UIMC1: variants seen among roughly 807,000 people sequenced by gnomAD.
UIMC1 encodes the protein ubiquitin interaction motif containing 1.
Under a neutral mutation model 84.9 loss-of-function variants are expected in UIMC1, and 42 were observed. The observed-to-expected ratio is 0.49, with a 90% CI of 0.39 to 0.64. The LOEUF is 0.64. Ranked by LOEUF, UIMC1 falls within the 30% of genes least tolerant of loss-of-function variation. The pLI is 0.00. For missense variants in UIMC1, 825 were observed against 847.6 expected, an observed-to-expected ratio of 0.97 and a Z score of 0.33; for synonymous variants, 281 against 293.0, an observed-to-expected ratio of 0.96 and a Z score of 0.42.
At position 176,911,380 on chromosome 5, in the gene UIMC1, C is replaced by T. The variant is rs1311856146; in HGVS notation, c.1607G>A (p.Arg536Gln). 1.0e-5 allele frequency: 16 copies of T among 1,582,768 alleles called. No homozygotes were observed. The highest frequency in any genetic ancestry group is 3.4e-5 in the Admixed American group (2 of 58,300). Reference sequence around the variant, plus strand: ...CTTGGTCTTGGCCTCTTTTTGTCTCCGAGTCAATACTTTTAATATAAAAAA... The same window carrying T: ...CTTGGTCTTGGCCTCTTTTTGTCTCTGAGTCAATACTTTTAATATAAAAAA... ...GLMEEDTVLTRRQKEAKTKSD... is the reference protein window; with the variant it reads ...GLMEEDTVLTQRQKEAKTKSD... Residue 536 changes from arginine (R) to glutamine (Q), a missense_variant, in exon 11 of 15, where the codon CGG becomes CAG. Physicochemically the swap from Arg to Gln is conservative, Grantham distance 43 (BLOSUM62 1). Transcript: ENST00000511320.
intron 6 of UIMC1, among the ~76,000 whole-genome samples, chr5:176,967,389 G>A (rs7734937): frequency 0.13 from 20,051 of 151,876 alleles, 1,680 homozygotes; most frequent in East Asian, 0.19. Context: ...TAAATCATTT[G>A]TGTAAAAGAA....
chr5:176,938,189 CAAA>C (rs1170386962), intron 10 of UIMC1, among the ~76,000 whole-genome samples: 16 of 56,320 alleles, frequency 2.8e-4, no homozygotes, highest in Admixed American at 4.3e-4. Flanking sequence ...GACCCTGTCT[CAAA>C]AAAAAAAAAA....
chr5:176,953,370 T>C (rs566542516), intron 8 of UIMC1, among the ~76,000 whole-genome samples: 247 of 152,228 alleles, frequency 1.6e-3, no homozygotes, highest in African/African-American at 5.7e-3. Context: ...AAATGGCCAA[T>C]GTCAGGCAAA....
chr5:176,969,154 A>G lies in UIMC1; in HGVS notation c.601T>C (p.Trp201Arg). Residue 201 changes from tryptophan to arginine, a missense_variant, in exon 6 of 15, where the codon TGG (tryptophan) becomes CGG (arginine). Physicochemically the swap from Trp to Arg is moderately radical, Grantham distance 101 (BLOSUM62 -3). Coordinates refer to ENST00000511320, the MANE Select transcript of UIMC1 (RefSeq NM_001199298.2). ...AACACTGGCTGGCTTGACTGGTCCC[A>G]GCTTCCTGAGCTGCCAGAGACCGGC... ...EEPVSGSSGS[W>R]DQSSQPVFEN... 6.2e-7 allele frequency: 1 copy of G among 1,614,210 alleles called. No individual in the cohort carries two copies. Among genetic ancestry groups the G allele is most frequent in the East Asian group, 2.2e-5 (1 of 44,880 alleles).
chr5:176,995,742 T>C (rs944444912), intron 1 of UIMC1, among the ~76,000 whole-genome samples: 19 of 148,672 alleles, frequency 1.3e-4, no homozygotes, highest in Non-Finnish European at 2.8e-4. Flanking sequence ...ACTTGGGAGG[T>C]TGAGGCAGGA....
intron 10 of UIMC1, among the ~76,000 whole-genome samples, chr5:176,922,277 T>C (rs1226935314): frequency 6.6e-6 from 1 of 152,226 alleles, no homozygotes; most frequent in African/African-American, 2.4e-5. Flanking sequence ...TAGTTGCTGC[T>C]AAATAAATAC....
intron 10 of UIMC1, among the ~76,000 whole-genome samples, chr5:176,928,825 C>A (rs1762714248): frequency 6.6e-6 from 1 of 152,006 alleles, no homozygotes; most frequent in Admixed American, 6.6e-5. Flanking sequence ...GTGGGGGGCA[C>A]CTGTAGTCCC....
intron 6 of UIMC1, among the ~76,000 whole-genome samples, chr5:176,964,790 G>A (rs533938611): frequency 6.6e-6 from 1 of 152,038 alleles, no homozygotes; most frequent in African/African-American, 2.4e-5. Flanking sequence ...CTTTCACTGA[G>A]GACTGTCCCT....
In UIMC1 at chr5:176,908,638, TG is replaced by T. The variant is rs766145537; in HGVS notation, c.1732del (p.His578MetfsTer35). 87 of 1,614,070 alleles carry T rather than the reference TG, an allele frequency of 5.4e-5. No individual in the cohort carries two copies. The highest frequency in any genetic ancestry group is 6.9e-5 in the Non-Finnish European group (81 of 1,180,022). ...SLVPFREYQCHVDSCLQLAKA... is the reference protein window; with the variant it reads ...SLVPFREYQCXVDSCLQLAKA... The stretch of plus-strand genomic sequence containing the variant: ...TGCAAGCTGGAGACAGGAGTCCACA[TG>T]ACACTGATACTCTCTAAATGGGACC... On this transcript the variant is annotated frameshift_variant, in exon 12 of 15. Transcript: ENST00000511320. LOFTEE classifies it high-confidence loss of function.
chr5:176,908,775 T>G, intron 11 of UIMC1, 81 bp from the exon 12 acceptor site: 2 of 1,475,352 alleles, frequency 1.4e-6, no homozygotes. Flanking sequence ...TCTCAAATTG[T>G]GTTTTTACGT....
Position 176,995,537 on chromosome 5 carries a change from CAAAAAAA to C in UIMC1, c.-9+11106_-9+11112del, listed in dbSNP as rs57521139. On this transcript the variant is annotated intron_variant, in intron 1 of 14. Transcript: ENST00000511320. Reference sequence around the variant, plus strand: ...GGGTGACAGAGAAAGACTCTGTCTCCAAAAAAAAAAAAAAAAAAAAAAAAGGCCAGGC... The same window carrying C: ...GGGTGACAGAGAAAGACTCTGTCTCCAAAAAAAAAAAAAAAAAGGCCAGGC... Among the ~76,000 whole-genome samples the C allele has an allele frequency of 5.7e-4, 21 of 36,552 alleles. No individual in the cohort carries two copies. The East Asian group carries it at 0.01, about 18-fold the overall frequency. The allele number at this position is 36,552 out of a possible 152,430, so 24.0% of individuals were successfully genotyped here.
intron 10 of UIMC1, among the ~76,000 whole-genome samples, chr5:176,912,467 GTTTT>G (rs1341305912): frequency 1.3e-5 from 1 of 76,970 alleles, no homozygotes; most frequent in Admixed American, 1.9e-4. Context: ...AGTCTTGACT[GTTTT>G]TTGTTTTTTT....
chr5:176,906,731 G>C (rs1219220474), intron 13 of UIMC1, among the ~76,000 whole-genome samples: 5 of 152,188 alleles, frequency 3.3e-5, no homozygotes, highest in Admixed American at 1.3e-4. Context: ...GCGACACTAA[G>C]ATAAAGGTAA....
At chr5:176,946,536 G>T (rs1032841300) in intron 9 of UIMC1, among the ~76,000 whole-genome samples, 1 of 151,670 alleles carries the variant, frequency 6.6e-6, no homozygotes, top group African/African-American at 2.4e-5. Context: ...AGAAAGAAAA[G>T]AAAACAAAAG....
At position 176,960,663 on chromosome 5, in the gene UIMC1, G is replaced by A. The variant is rs867798352; in HGVS notation, c.1201-2509C>T. Among the ~76,000 whole-genome samples, 14 of 6,356 alleles carry A rather than the reference G, an allele frequency of 2.2e-3. 2 individuals are homozygous for A. Among genetic ancestry groups the A allele is most frequent in the East Asian group, 0.015 (3 of 202 alleles). The allele number at this position is 6,356 out of a possible 152,430, so 4.2% of individuals were successfully genotyped here. ...CGTCTCCGTCTCCGTCTCCGTCTCC[G>A]TCTCCCCACGGTCTCCCTCTCATGC... On this transcript the variant is annotated intron_variant, in intron 6 of 14. Coordinates refer to ENST00000511320, the MANE Select transcript of UIMC1 (RefSeq NM_001199298.2).
intron 1 of UIMC1, among the ~76,000 whole-genome samples, chr5:177,001,715 G>A (rs915939169): frequency 1.3e-5 from 2 of 151,044 alleles, no homozygotes; most frequent in African/African-American, 2.4e-5. Flanking sequence ...GAGGGGGGGC[G>A]GATCACAAGG....
At chr5:176,975,294 C>A in intron 3 of UIMC1, 102 bp downstream of exon 3, 1 of 1,123,782 alleles carries the variant, frequency 8.9e-7, no homozygotes, top group Non-Finnish European at 1.3e-6. Flanking sequence ...TTTCTTGAAT[C>A]TATCAGAGAC....
Position 176,923,720 on chromosome 5 carries a change from C to T in UIMC1, c.1598-12331G>A, listed in dbSNP as rs181759350. Among the ~76,000 whole-genome samples, 17 of 151,234 alleles carry T rather than the reference C, an allele frequency of 1.1e-4. No individual in the cohort carries two copies. In the East Asian group the frequency reaches 2.9e-3, roughly 26 times the overall value. On this transcript the variant is annotated intron_variant, in intron 10 of 14. Transcript: ENST00000511320. ...CTCTACTAAAAATATGAAAATTAGC[C>T]GGCCATGGTGGCGGGTGCCTATAAT... is the stretch of plus-strand genomic sequence containing the variant.
intron 6 of UIMC1, among the ~76,000 whole-genome samples, chr5:176,966,838 G>T (rs1432079123): frequency 6.6e-6 from 1 of 151,888 alleles, no homozygotes; most frequent in Non-Finnish European, 1.5e-5. Context: ...ACTATATAAA[G>T]TGTATCCACA....
Sources: allele counts gnomAD v4.1 joint callset (sites outside exome capture counted in the v4.1 genomes callset), GRCh38; gene constraint gnomAD v4.1.1; transcripts MANE v1.5; gene names NCBI Gene and HGNC (gene_info 2026-07-23, HGNC 2026-07-21).